Variants in CNTNAP2 observed in about 807,000 individuals in gnomAD.
CNTNAP2 encodes contactin associated protein 2.
CNTNAP2 carries 98 observed loss-of-function variants against 155.2 expected under a neutral mutation model. That is an observed-to-expected ratio of 0.63 (90% CI 0.54 to 0.75). The LOEUF (loss-of-function observed/expected upper bound fraction) is 0.75, where lower values mean the gene tolerates loss of function less well. Ranked by LOEUF, CNTNAP2 falls within the 30% of genes least tolerant of loss-of-function variation. The probability of loss-of-function intolerance (pLI) is 0.00; values close to 1 mark genes in which losing one functional copy is unlikely to be tolerated. For missense variants in CNTNAP2, 1,727 were observed against 1,688.1 expected (o/e 1.02, Z -0.40); for synonymous variants, 651 against 631.2 (o/e 1.03, Z -0.47).
intron 2 of CNTNAP2, among the ~76,000 whole-genome samples, chr7:146,794,887 G>A (rs1008536461): frequency 2.0e-5 from 3 of 152,152 alleles, no homozygotes. Context: ...AAAGAATTTA[G>A]TATATTGTGC....
At chr7:146,143,005 G>T (rs539762807) in intron 1 of CNTNAP2, among the ~76,000 whole-genome samples, 2 of 152,076 alleles carry the variant, frequency 1.3e-5, no homozygotes, top group Non-Finnish European at 2.9e-5. Context: ...TCCTTTTAGG[G>T]AATAAATAAA....
At position 148,267,132 on chromosome 7, in the gene CNTNAP2, A is replaced by G. The variant is rs1364718847; in HGVS notation, c.3475+6A>G. ...CTTTCTGGGAAAAGTTATAGGTAAG[A>G]ATGTGGTTCGTTAGGTATAAATGCG... is the stretch of plus-strand genomic sequence containing the variant. On this transcript the variant is annotated splice_donor_region_variant and intron_variant, in intron 21 of 23. Coordinates refer to ENST00000361727, the MANE Select transcript of CNTNAP2 (RefSeq NM_014141.6). The G allele has an allele frequency of 1.9e-6, 3 of 1,611,282 alleles. No homozygotes were observed. The East Asian group carries it at 6.7e-5, about 36-fold the overall frequency.
intron 13 of CNTNAP2, among the ~76,000 whole-genome samples, chr7:147,861,999 C>CAAA (rs57139075): frequency 0.056 from 5,343 of 94,596 alleles, 251 homozygotes; most frequent in East Asian, 0.096. Flanking sequence ...CTCCATCTCA[C>CAAA]AAAAAAAAAA....
chr7:147,326,872 G>A (rs755838831), intron 9 of CNTNAP2, among the ~76,000 whole-genome samples: 3 of 152,118 alleles, frequency 2.0e-5, no homozygotes, highest in African/African-American at 7.2e-5. Context: ...TAGACTATAA[G>A]TTCTTTGAGG....
intron 2 of CNTNAP2, among the ~76,000 whole-genome samples, chr7:146,823,178 T>C (rs1803322487): frequency 6.7e-6 from 1 of 148,360 alleles, no homozygotes; most frequent in South Asian, 2.2e-4. Flanking sequence ...TCAGCATATT[T>C]ACATGGAAAT....
intron 17 of CNTNAP2, among the ~76,000 whole-genome samples, chr7:148,171,914 G>C (rs1805801400): frequency 6.6e-6 from 1 of 152,208 alleles, no homozygotes; most frequent in South Asian, 2.1e-4. Flanking sequence ...AGATTAAAGA[G>C]CAAAGAATCT....
chr7:146,165,089 G>A (rs1005936704), intron 1 of CNTNAP2, among the ~76,000 whole-genome samples: 2 of 152,072 alleles, frequency 1.3e-5, no homozygotes, highest in Non-Finnish European at 2.9e-5. Context: ...ATCTTTAAAC[G>A]TCCAAGCTGT....
intron 15 of CNTNAP2, among the ~76,000 whole-genome samples, chr7:147,979,667 G>C (rs1801488253): frequency 6.6e-6 from 1 of 151,990 alleles, no homozygotes; most frequent in South Asian, 2.1e-4. Flanking sequence ...CTGTCGCCCA[G>C]GCTGGAGTAC....
intron 14 of CNTNAP2, among the ~76,000 whole-genome samples, chr7:147,919,078 G>T (rs1800212814): frequency 6.6e-6 from 1 of 152,114 alleles, no homozygotes; most frequent in African/African-American, 2.4e-5. Context: ...GGCTCAGAGA[G>T]ATGCTATATT....
chr7:146,381,084 C>T (rs1795380149), intron 1 of CNTNAP2, among the ~76,000 whole-genome samples: 1 of 151,886 alleles, frequency 6.6e-6, no homozygotes, highest in Non-Finnish European at 1.5e-5. Context: ...AGGCGTGAGC[C>T]ACCGCGCCCG....
At chr7:146,705,504 C>A (rs1800947492) in intron 1 of CNTNAP2, among the ~76,000 whole-genome samples, 1 of 152,028 alleles carries the variant, frequency 6.6e-6, no homozygotes, top group Non-Finnish European at 1.5e-5. Context: ...GCAAAATGCT[C>A]CACCTCCTAA....
chr7:148,411,594 T>C (rs1207120824), intron 23 of CNTNAP2, among the ~76,000 whole-genome samples: 1 of 152,052 alleles, frequency 6.6e-6, no homozygotes, highest in Non-Finnish European at 1.5e-5. Flanking sequence ...TGTGGTTGGT[T>C]TGTCCTATCT....
At chr7:146,277,796 G>A (rs1040929133) in intron 1 of CNTNAP2, among the ~76,000 whole-genome samples, 2 of 152,094 alleles carry the variant, frequency 1.3e-5, no homozygotes, top group Admixed American at 6.6e-5. Context: ...GGAACACTTG[G>A]TCTGGCTAGA....
intron 9 of CNTNAP2, among the ~76,000 whole-genome samples, chr7:147,358,449 G>A (rs1346997470): frequency 2.0e-5 from 3 of 152,050 alleles, no homozygotes; most frequent in African/African-American, 7.2e-5. Flanking sequence ...AAAACATAAA[G>A]TAAATTAATC....
Position 147,234,334 on chromosome 7 carries a change from C to CTTTTT in CNTNAP2, c.1349-65790_1349-65786dup, listed in dbSNP as rs1225048153. ...TTTCACCAGTTGTCCCAAGAGTATT[C>CTTTTT]TTTTTTTTTTTTTTTTTTTTTGAGA... On this transcript the variant is annotated intron_variant, in intron 8 of 23. Coordinates refer to ENST00000361727, the MANE Select transcript of CNTNAP2 (RefSeq NM_014141.6). Among the ~76,000 whole-genome samples the CTTTTT allele has an allele frequency of 3.7e-3, 394 of 107,500 alleles. 11 individuals carry two copies. The highest frequency in any genetic ancestry group is 7.1e-3 in the African/African-American group (194 of 27,286). The allele number at this position is 107,500 out of a possible 152,430, so 70.5% of individuals were successfully genotyped here. A position where few individuals can be genotyped will look rare whatever the true frequency, so the allele number is the denominator to read the frequency against.
At chr7:147,932,661 T>C (rs993074859) in intron 14 of CNTNAP2, among the ~76,000 whole-genome samples, 1 of 152,176 alleles carries the variant, frequency 6.6e-6, no homozygotes, top group Non-Finnish European at 1.5e-5. Flanking sequence ...AATGATTTCT[T>C]GGATATGACA....
chr7:147,109,786 G>A (rs1455366845), intron 5 of CNTNAP2, among the ~76,000 whole-genome samples: 1 of 152,214 alleles, frequency 6.6e-6, no homozygotes, highest in East Asian at 1.9e-4. Context: ...TAGAGAGGAA[G>A]AACAGTTAGT....
chr7:148,017,095 C>A (rs1802191973), intron 15 of CNTNAP2, among the ~76,000 whole-genome samples: 1 of 152,120 alleles, frequency 6.6e-6, no homozygotes, highest in East Asian at 1.9e-4. Flanking sequence ...TAAATTACAC[C>A]AACTGCATTA....
intron 1 of CNTNAP2, among the ~76,000 whole-genome samples, chr7:146,246,398 G>A (rs1799655508): frequency 1.3e-5 from 2 of 150,650 alleles, no homozygotes; most frequent in Admixed American, 6.6e-5. Context: ...TAAAAGGAGT[G>A]CTTAAAAGAG....
Sources: allele counts gnomAD v4.1 joint callset (sites outside exome capture counted in the v4.1 genomes callset), GRCh38; gene constraint gnomAD v4.1.1; transcripts MANE v1.5; gene names NCBI Gene and HGNC (gene_info 2026-07-23, HGNC 2026-07-21).